Variants in TMEM255B observed in about 807,000 individuals in gnomAD.
TMEM255B encodes the protein family with sequence similarity 70, member B.
TMEM255B carries 35 observed loss-of-function variants against 34.5 expected under a neutral mutation model. The ratio of observed to expected loss-of-function variants is 1.01; its 90% confidence interval spans 0.77 to 1.34. The LOEUF is 1.34. Among genes scored for constraint, TMEM255B ranks in the 40% most tolerant of loss-of-function variants. TMEM255B has a pLI of 0.00. For missense variants in TMEM255B, 432 were observed against 433.2 expected, an observed-to-expected ratio of 1.00 and a Z score of 0.02; for synonymous variants, 206 against 201.2, an observed-to-expected ratio of 1.02 and a Z score of -0.20.
intron 1 of TMEM255B, among the ~76,000 whole-genome samples, chr13:113,763,991 C>A (rs879470402): frequency 6.6e-6 from 1 of 152,226 alleles, no homozygotes; most frequent in Non-Finnish European, 1.5e-5. Context: ...GCAGGTGCAG[C>A]GCCCATCCCC....
rs2051339472 is a variant in TMEM255B at position 113,812,831 on chromosome 13, A to C, written c.*928A>C. ...GTGGGTCACAGGTCCTGAGTGGGTCACAGGTCCCGGGTGGGTCACAGGCAT... is the reference window on the plus strand; with the variant it reads ...GTGGGTCACAGGTCCTGAGTGGGTCCCAGGTCCCGGGTGGGTCACAGGCAT... On this transcript the variant is annotated 3_prime_UTR_variant, in exon 9 of 9. Coordinates refer to ENST00000375353, the MANE Select transcript of TMEM255B (RefSeq NM_182614.4). 5.8e-6 allele frequency: 1 copy of C among 171,842 alleles called. No homozygotes were observed. Among genetic ancestry groups the C allele is most frequent in the African/African-American group, 2.5e-5 (1 of 40,432 alleles). The allele number at this position is 171,842 out of a possible 1,614,324, so 10.6% of individuals were successfully genotyped here.
At chr13:113,809,058 TTTCCTGGGGGTTTACTCTGTGG>T (rs1334904181) in intron 8 of TMEM255B, among the ~76,000 whole-genome samples, 3 of 129,512 alleles carry the variant, frequency 2.3e-5, no homozygotes, top group African/African-American at 8.8e-5. Flanking sequence ...TTATGCTGTG[TTTCCTGGGGGTTTACTCTGTGG>T]TTCCTGGGGG....
At chr13:113,771,247 T>C (rs2050472909) in intron 3 of TMEM255B, among the ~76,000 whole-genome samples, 1 of 152,126 alleles carries the variant, frequency 6.6e-6, no homozygotes, top group Non-Finnish European at 1.5e-5. Flanking sequence ...GTGTGATATG[T>C]GTTCTCTGTA....
rs2051363394 is a variant in TMEM255B at position 113,813,277 on chromosome 13, C to G, written c.*1374C>G. On this transcript the variant is annotated 3_prime_UTR_variant, in exon 9 of 9. Coordinates refer to ENST00000375353, the MANE Select transcript of TMEM255B (RefSeq NM_182614.4). Reference sequence around the variant, plus strand: ...ACGGTTCCCCAGTCACTCCCTCTCCCCTCGGAAGCTGGCGCCTCCAGGCCT... The same window carrying G: ...ACGGTTCCCCAGTCACTCCCTCTCCGCTCGGAAGCTGGCGCCTCCAGGCCT... The G allele has an allele frequency of 6.6e-6, 1 of 152,338 alleles. No homozygotes were observed. The allele number at this position is 152,338 out of a possible 1,614,324, so 9.4% of individuals were successfully genotyped here. A position where few individuals can be genotyped will look rare whatever the true frequency, so the allele number is the denominator to read the frequency against.
intron 3 of TMEM255B, among the ~76,000 whole-genome samples, chr13:113,792,946 G>A (rs745974461): frequency 1.3e-5 from 2 of 152,258 alleles, no homozygotes; most frequent in Non-Finnish European, 2.9e-5. Context: ...ACCAGGCTGC[G>A]TATCCCGTGG....
rs1020186460 is a variant in TMEM255B, at chr13:113,761,075, C to G, written c.46+1760C>G. 19 of 613,770 alleles carry G rather than the reference C, an allele frequency of 3.1e-5. No homozygotes were observed. In the Admixed American group the frequency reaches 3.2e-4, roughly 10 times the overall value. The allele number at this position is 613,770 out of a possible 1,614,324, so 38.0% of individuals were successfully genotyped here. On this transcript the variant is annotated intron_variant, in intron 1 of 8. Coordinates refer to ENST00000375353, the MANE Select transcript of TMEM255B (RefSeq NM_182614.4). ...TCACTACCCTGGGCATGTGTAAAAT[C>G]AGGACGAAAGAGGAATTGACGGCTG...
chr13:113,780,960 C>A (rs2050657418), intron 3 of TMEM255B, among the ~76,000 whole-genome samples: 1 of 152,128 alleles, frequency 6.6e-6, no homozygotes, highest in Non-Finnish European at 1.5e-5. Flanking sequence ...GGAACACATA[C>A]CAATAACATA....
Position 113,813,123 on chromosome 13 carries a change from G to C in TMEM255B, c.*1220G>C, listed in dbSNP as rs1160858940. 7.1e-6 allele frequency: 1 copy of C among 141,302 alleles called. No individual in the cohort carries two copies. The allele number at this position is 141,302 out of a possible 1,614,324, so 8.8% of individuals were successfully genotyped here. ...TTGGATGTGGGGAGAGGCTTTCTCT[G>C]AACTCCTGAAGTCAGATCCTCAGGG... On this transcript the variant is annotated 3_prime_UTR_variant, in exon 9 of 9. Coordinates refer to ENST00000375353, the MANE Select transcript of TMEM255B (RefSeq NM_182614.4).
In TMEM255B at chr13:113,812,994, CACGGGTCCCG is replaced by C. The variant is rs1303011067; in HGVS notation, c.*1093_*1102del. On this transcript the variant is annotated 3_prime_UTR_variant, in exon 9 of 9. Coordinates refer to ENST00000375353, the MANE Select transcript of TMEM255B (RefSeq NM_182614.4). ...GGTGGGTCACGGGTCCCGGGTGGGT[CACGGGTCCCG>C]AGTGGGTCACGGGTCCCGGGTGGGT... The C allele has an allele frequency of 1.4e-5, 2 of 137,974 alleles. No homozygotes were observed. The highest frequency in any genetic ancestry group is 3.4e-5 in the African/African-American group (1 of 29,390). The allele number at this position is 137,974 out of a possible 1,614,324, so 8.5% of individuals were successfully genotyped here. A position where few individuals can be genotyped will look rare whatever the true frequency, so the allele number is the denominator to read the frequency against.
In TMEM255B at chr13:113,811,764, C is replaced by A; in HGVS notation, c.842C>A (p.Ser281Tyr). 6.2e-7 allele frequency: 1 copy of A among 1,613,890 alleles called. No individual in the cohort carries two copies. The highest frequency in any genetic ancestry group is 1.1e-5 in the South Asian group (1 of 91,086). The change falls in exon 9 of 9, where the codon TCC becomes TAC. Residue 281 changes from serine to tyrosine, a missense_variant. Physicochemically the swap from Ser to Tyr is moderately radical, Grantham distance 144 (BLOSUM62 -2). Coordinates refer to ENST00000375353, the MANE Select transcript of TMEM255B (RefSeq NM_182614.4). Reference protein sequence around the residue: ...QPCSRFPVAPSSALASSEDLQ... With the variant: ...QPCSRFPVAPYSALASSEDLQ... Reference sequence around the variant, plus strand: ...TGCAGCCGCTTCCCAGTTGCGCCCTCCTCTGCCCTGGCTTCGTCTGAGGAC... The same window carrying A: ...TGCAGCCGCTTCCCAGTTGCGCCCTACTCTGCCCTGGCTTCGTCTGAGGAC...
intron 3 of TMEM255B, among the ~76,000 whole-genome samples, chr13:113,784,490 GAGC>G (rs2138546928): frequency 6.6e-6 from 1 of 152,128 alleles, no homozygotes; most frequent in East Asian, 1.9e-4. Flanking sequence ...TCCCAGACTG[GAGC>G]CACGTGAGGA....
chr13:113,801,292 A>G (rs2051054922), intron 6 of TMEM255B, among the ~76,000 whole-genome samples: 1 of 152,224 alleles, frequency 6.6e-6, no homozygotes, highest in Non-Finnish European at 1.5e-5. Flanking sequence ...GGCCCCAGGC[A>G]TGGCCCCCTC....
Position 113,769,233 on chromosome 13 carries a change from G to T in TMEM255B, c.252+73G>T. On this transcript the variant is annotated intron_variant, in intron 3 of 8. Transcript: ENST00000375353. This position sits in a 1 kb window ranked among gnomAD's most constrained non-coding sequence, Gnocchi z 4.2. ...GATGGTACAGCTGCACTGGGGCTCT[G>T]AGAAGAGTCAGCCCTGCCTCCCCAG... is the stretch of plus-strand genomic sequence containing the variant. The T allele has an allele frequency of 6.4e-7, 1 of 1,555,640 alleles. No homozygotes were observed. The highest frequency in any genetic ancestry group is 1.1e-5 in the South Asian group (1 of 89,468).
chr13:113,782,766 T>C (rs2138544707), intron 3 of TMEM255B, among the ~76,000 whole-genome samples: 1 of 152,266 alleles, frequency 6.6e-6, no homozygotes, highest in African/African-American at 2.4e-5. Context: ...GACCACAGGT[T>C]GGGCACAGTT....
rs564623173 is a variant in TMEM255B at position 113,811,215 on chromosome 13, G to C, written c.814-521G>C. On this transcript the variant is annotated intron_variant, in intron 8 of 8. Coordinates refer to ENST00000375353, the MANE Select transcript of TMEM255B (RefSeq NM_182614.4). ...CCAGTGAGAGAGGTCCTGGATCTGTGGGGGGGGCCGGTGAGAGAGGTCCTG... is the reference window on the plus strand; with the variant it reads ...CCAGTGAGAGAGGTCCTGGATCTGTCGGGGGGGCCGGTGAGAGAGGTCCTG... 6.8e-5 allele frequency among the ~76,000 whole-genome samples: 8 copies of C among 117,702 alleles called. 1 individual carries two copies. Among genetic ancestry groups the C allele is most frequent in the African/African-American group, 2.7e-4 (8 of 29,324 alleles). The allele number at this position is 117,702 out of a possible 152,430, so 77.2% of individuals were successfully genotyped here.
Position 113,795,169 on chromosome 13 carries a change from A to T in TMEM255B, c.274A>T (p.Ile92Phe). The change falls in exon 4 of 9, where the codon ATC becomes TTC. Residue 92 changes from isoleucine (I) to phenylalanine (F), a missense_variant. Coordinates refer to ENST00000375353, the MANE Select transcript of TMEM255B (RefSeq NM_182614.4). ...GCAGCTGGTGGCAGCGATCGTGTTTATCAGTTTTGGCGTGGTGGCCGCCTT... is the reference window on the plus strand; with the variant it reads ...GCAGCTGGTGGCAGCGATCGTGTTTTTCAGTTTTGGCGTGGTGGCCGCCTT... ...RQMLVAAIVF[I>F]SFGVVAAFCC... is the part of the protein sequence containing the mutation. 6.2e-7 allele frequency: 1 copy of T among 1,613,992 alleles called. No individual in the cohort carries two copies. Among genetic ancestry groups the T allele is most frequent in the African/African-American group, 1.3e-5 (1 of 75,050 alleles).
chr13:113,809,919 G>C (rs906490462), intron 8 of TMEM255B, among the ~76,000 whole-genome samples: 26 of 152,132 alleles, frequency 1.7e-4, no homozygotes. Context: ...AAACCTGTGT[G>C]AGTTTCGGGG....
chr13:113,793,336 G>A (rs768198792), intron 3 of TMEM255B, among the ~76,000 whole-genome samples: 6 of 152,236 alleles, frequency 3.9e-5, no homozygotes, highest in Non-Finnish European at 7.3e-5. Flanking sequence ...GGAAGGGCAC[G>A]TGCTTGATGT....
chr13:113,759,448 C>A, intron 1 of TMEM255B, 133 bp downstream of exon 1: 1 of 777,198 alleles, frequency 1.3e-6, no homozygotes, highest in Non-Finnish European at 1.7e-6. Context: ...GTCCCTCCGC[C>A]TCCTTCGAGC....
Sources: gnomAD v4.1 joint callset for allele counts (sites outside exome capture counted in the v4.1 genomes callset) on GRCh38, gnomAD v4.1.1 for gene constraint, Gnocchi (gnomAD v3.1) non-coding constraint, MANE v1.5 for transcripts, NCBI Gene and HGNC (gene_info 2026-07-23, HGNC 2026-07-21) for gene names.